The following PLA2R1 variants were observed in gnomAD, a reference collection of about 807,000 sequenced individuals.
The protein encoded by PLA2R1 is secretory phospholipase A2 receptor.
Under a neutral mutation model 195.9 loss-of-function variants are expected in PLA2R1, and 158 were observed. The ratio of observed to expected loss-of-function variants is 0.81; its 90% confidence interval spans 0.71 to 0.92. PLA2R1 has a LOEUF of 0.92. Among genes scored for constraint, PLA2R1 ranks in the 40% least tolerant of loss-of-function variants. The pLI is 0.00. For missense variants in PLA2R1, 1,626 were observed against 1,764.6 expected, an observed-to-expected ratio of 0.92 and a Z score of 1.41; for synonymous variants, 586 against 598.2, an observed-to-expected ratio of 0.98 and a Z score of 0.30.
chr2:160,005,379 G>A (rs185963297), intron 11 of PLA2R1, among the ~76,000 whole-genome samples: 6 of 152,232 alleles, frequency 3.9e-5, no homozygotes, highest in Middle Eastern at 6.8e-3. Context: ...AGGCTGCAGT[G>A]AACCGAGATT....
At position 159,946,889 on chromosome 2, in the gene PLA2R1, C is replaced by T. The variant is rs1687419855; in HGVS notation, c.3879G>A (p.Glu1293=). 5.0e-6 allele frequency: 8 copies of T among 1,609,384 alleles called. No homozygotes were observed. The highest frequency in any genetic ancestry group is 4.0e-5 in the African/African-American group (3 of 74,766). ...CTTCTAGGAGAAATGCATTTTCAGC[C>T]TCATCCTTGATTGTTAAAAGATTAG... The part of the protein sequence containing the change: ...EGSNLLTIKD[E]AENAFLLEEL... Residue 1293 remains glutamate (E), a synonymous_variant, in exon 27 of 30, where the codon GAG becomes GAA. Transcript: ENST00000283243.
rs2105464773 is a variant in PLA2R1 at position 160,020,233 on chromosome 2, C to T, written c.1325G>A (p.Ser442Asn). The change falls in exon 8 of 30, where the codon AGC (serine) becomes AAC (asparagine). Residue 442 changes from serine to asparagine, a missense_variant. Coordinates refer to ENST00000283243, the MANE Select transcript of PLA2R1 (RefSeq NM_007366.5). ...ENASETWIGLSSNKIPVSFEW... is the reference protein window; with the variant it reads ...ENASETWIGLNSNKIPVSFEW... ...AAAGGAAACTGGAATTTTATTGCTG[C>T]TCAAACCAATCCATGTTTCTGATGC... The T allele has an allele frequency of 3.1e-6, 5 of 1,610,460 alleles. No individual in the cohort carries two copies. The highest frequency in any genetic ancestry group is 4.2e-6 in the Non-Finnish European group (5 of 1,177,558).
Position 159,977,356 on chromosome 2 carries a change from A to C in PLA2R1, c.2329T>G (p.Tyr777Asp). The change falls in exon 15 of 30, where the codon TAT becomes GAT. Residue 777 changes from tyrosine to aspartate, a missense_variant. Transcript: ENST00000283243. The part of the protein sequence containing the change: ...FGEDARNCAV[Y>D]KANKTLLPLH... ...GGCAGCAATGTTTTGTTTGCCTTAT[A>C]AACAGCACAGTTTCTTGCATCTTCT... is the stretch of plus-strand genomic sequence containing the variant. The C allele has an allele frequency of 6.2e-7, 1 of 1,613,006 alleles. No homozygotes were observed.
intron 14 of PLA2R1, among the ~76,000 whole-genome samples, chr2:159,977,800 G>T (rs1174676737): frequency 6.6e-6 from 1 of 152,010 alleles, no homozygotes; most frequent in African/African-American, 2.4e-5. Flanking sequence ...AAAATTAGCT[G>T]GTTGTGGTGG....
At chr2:159,985,290 C>T (rs1690248589) in intron 12 of PLA2R1, among the ~76,000 whole-genome samples, 1 of 152,176 alleles carries the variant, frequency 6.6e-6, no homozygotes, top group Non-Finnish European at 1.5e-5. Flanking sequence ...AAATCGAGCA[C>T]ATTCACAGCT....
At chr2:159,924,734 G>C in the PLA2R1 span, among the ~76,000 whole-genome samples, 3 of 150,670 alleles carry the variant, frequency 2.0e-5, no homozygotes, top group Non-Finnish European at 3.0e-5. Context: ...GGGGCTGGGG[G>C]GGGGGCGGTG....
chr2:159,994,915 A>G (rs953877988), intron 11 of PLA2R1, among the ~76,000 whole-genome samples: 2 of 152,068 alleles, frequency 1.3e-5, no homozygotes, highest in Non-Finnish European at 2.9e-5. Context: ...AGGTTCGTCA[A>G]TTGTAGCAAA....
rs1402024067 is a variant in PLA2R1 at position 159,932,769 on chromosome 2, G to C, written c.*9009C>G. ...TAATAAAACCACAGTTTCAGTGCTA[G>C]GGAGGGCAAGGAGAAAACATTATAA... On this transcript the variant is annotated 3_prime_UTR_variant, in exon 30 of 30. Transcript: ENST00000283243. 3 of 152,174 alleles carry C rather than the reference G, an allele frequency of 2.0e-5. No homozygotes were observed. In the East Asian group the frequency reaches 5.8e-4, roughly 29 times the overall value. The allele number at this position is 152,174 out of a possible 1,614,324, so 9.4% of individuals were successfully genotyped here.
intron 1 of PLA2R1, 72 bp downstream of exon 1, chr2:160,062,223 C>T (rs1696009992): frequency 8.2e-7 from 1 of 1,218,746 alleles, no homozygotes; most frequent in Non-Finnish European, 1.1e-6. Flanking sequence ...TTCGCCCCTT[C>T]TTCCTCTCCT....
intron 1 of PLA2R1, 38 bp from the exon 2 acceptor site, chr2:160,045,195 T>A (rs1182226313): frequency 1.9e-5 from 28 of 1,500,892 alleles, no homozygotes; most frequent in Admixed American, 5.4e-5. Flanking sequence ...GAAATTTTCA[T>A]ATATAATTAA....
chr2:159,972,849 T>C (rs1689278527), intron 17 of PLA2R1, among the ~76,000 whole-genome samples: 1 of 152,196 alleles, frequency 6.6e-6, no homozygotes, highest in Admixed American at 6.5e-5. Flanking sequence ...TGGTCTTCTG[T>C]TACTCAAAGA....
chr2:160,030,568 T>A (rs968054021), intron 4 of PLA2R1, among the ~76,000 whole-genome samples: 1 of 152,220 alleles, frequency 6.6e-6, no homozygotes, highest in African/African-American at 2.4e-5. Context: ...TAAAAAATAA[T>A]TGTGCAATTT....
intron 1 of PLA2R1, among the ~76,000 whole-genome samples, chr2:160,058,075 T>C (rs1015591561): frequency 6.6e-6 from 1 of 151,848 alleles, no homozygotes; most frequent in Non-Finnish European, 1.5e-5. Context: ...TGGTCTCATG[T>C]CCTCACTCCC....
At chr2:160,024,486 T>C (rs6709941) in intron 6 of PLA2R1, among the ~76,000 whole-genome samples, 3,784 of 152,224 alleles carry the variant, frequency 0.025, 133 homozygotes, top group African/African-American at 0.081. Context: ...GCACCCTGCC[T>C]CCCAGGGAAT....
At chr2:159,970,787 T>C (rs2105243783) in intron 17 of PLA2R1, among the ~76,000 whole-genome samples, 1 of 152,230 alleles carries the variant, frequency 6.6e-6, no homozygotes, top group East Asian at 1.9e-4. Context: ...TTTTGATGAG[T>C]TCATGTCCTT....
At chr2:159,972,610 T>C (rs750178506) in intron 17 of PLA2R1, among the ~76,000 whole-genome samples, 2 of 152,170 alleles carry the variant, frequency 1.3e-5, no homozygotes, top group Non-Finnish European at 2.9e-5. Context: ...GGAGGACTAA[T>C]AGATTTGATA....
chr2:159,948,313 C>T (rs1385421199), intron 25 of PLA2R1, among the ~76,000 whole-genome samples: 1 of 152,146 alleles, frequency 6.6e-6, no homozygotes, highest in Non-Finnish European at 1.5e-5. Flanking sequence ...CAGCTCACTG[C>T]AGCCTCAAAC....
At chr2:160,017,930 T>C (rs916099181) in intron 8 of PLA2R1, among the ~76,000 whole-genome samples, 3 of 152,180 alleles carry the variant, frequency 2.0e-5, no homozygotes, top group Non-Finnish European at 4.4e-5. Context: ...TACAGGATAG[T>C]GTCAGGCATA....
chr2:160,018,159 C>T (rs995671666), intron 8 of PLA2R1, among the ~76,000 whole-genome samples: 16 of 152,200 alleles, frequency 1.1e-4, no homozygotes, highest in East Asian at 3.9e-4. Context: ...ATTACACTTA[C>T]GGCAGCATTG....
Sources: gnomAD v4.1 joint callset for allele counts (sites outside exome capture counted in the v4.1 genomes callset) on GRCh38, gnomAD v4.1.1 for gene constraint, MANE v1.5 for transcripts, NCBI Gene and HGNC (gene_info 2026-07-23, HGNC 2026-07-21) for gene names.